The following COL6A3 variants were observed in gnomAD, a reference collection of about 807,000 sequenced individuals.
The protein encoded by COL6A3 is collagen alpha-3(VI) chain.
COL6A3 carries 137 observed loss-of-function variants against 274.1 expected under a neutral mutation model. The observed-to-expected ratio is 0.50, with a 90% confidence interval of 0.44 to 0.58. COL6A3 has a LOEUF of 0.58. COL6A3 is among the 20% of genes least tolerant of loss of function. The probability of loss-of-function intolerance (pLI) is 0.00; values close to 1 mark genes in which losing one functional copy is unlikely to be tolerated. For synonymous variants in COL6A3, 1,650 were observed against 1,650.6 expected, an observed-to-expected ratio of 1.00 and a Z score of 0.01; for missense variants, 3,950 against 4,124.9, an observed-to-expected ratio of 0.96 and a Z score of 1.16.
In COL6A3 at chr2:237,388,087, A is replaced by G. The variant is rs776357610; in HGVS notation, c.807T>C (p.Leu269=). 11 of 1,614,106 alleles carry G rather than the reference A, an allele frequency of 6.8e-6. No individual in the cohort carries two copies. The East Asian group carries it at 1.3e-4, about 20-fold the overall frequency. ...GCTGAGTTCCAATTGGGAGTTTCTC[A>G]AGGAGATTTACAAGGAAGTCGAGAA... ...AVILDFLVNL[L]EKLPIGTQQI... is the part of the protein sequence containing the mutation. The change falls in exon 4 of 44, where the codon CTT becomes CTC. Residue 269 remains leucine, a synonymous_variant. Coordinates refer to ENST00000295550, the MANE Select transcript of COL6A3 (RefSeq NM_004369.4).
intron 8 of COL6A3, among the ~76,000 whole-genome samples, chr2:237,373,485 G>A (rs3791001): frequency 0.072 from 10,956 of 152,098 alleles, 1,021 homozygotes; most frequent in African/African-American, 0.21. Context: ...TCTTCCCCAG[G>A]CACCAGCGAG....
intron 23 of COL6A3, chr2:237,356,931 C>A: frequency 3.8e-6 from 1 of 261,140 alleles, no homozygotes; most frequent in Non-Finnish European, 7.3e-6. Context: ...TCACTTACAG[C>A]ATCCCCCCAA....
chr2:237,326,244 A>AGAGTGTGTGT (rs1699933584), intron 42 of COL6A3: 1 of 150,952 alleles, frequency 6.6e-6, no homozygotes, highest in Admixed American at 6.5e-5. Context: ...ATCCTTTATG[A>AGAGTGTGTGT]GTGTGTGTGT....
In COL6A3 at chr2:237,344,206, G is replaced by A; in HGVS notation, c.7668+144C>T. 7.9e-7 allele frequency: 1 copy of A among 1,272,376 alleles called. No individual in the cohort carries two copies. The highest frequency in any genetic ancestry group is 1.1e-6 in the Non-Finnish European group (1 of 881,296). 78.8% of individuals were successfully genotyped at this position (1,272,376 alleles called of 1,614,324 possible). The stretch of plus-strand genomic sequence containing the variant: ...CGAGGTTGTCCTGGAGACCTCACAA[G>A]AGAAGTTCTCAGGCAGATGGCCTCA... On this transcript the variant is annotated intron_variant, in intron 36 of 43. Transcript: ENST00000295550. This position sits in a 1 kb window ranked among gnomAD's most constrained non-coding sequence, Gnocchi z 4.8.
In COL6A3 at chr2:237,361,675, A is replaced by G; in HGVS notation, c.6156+64T>C. ...ACTCTTCTGTTAGAGAAATTACCCC[A>G]CCAAAGTAATGTCGGGCTTCTGACA... On this transcript the variant is annotated intron_variant, in intron 15 of 43. Transcript: ENST00000295550. This position sits in a 1 kb window ranked among gnomAD's most constrained non-coding sequence, Gnocchi z 5.1. The G allele has an allele frequency of 7.2e-7, 1 of 1,392,774 alleles. No individual in the cohort carries two copies. The highest frequency in any genetic ancestry group is 1.0e-6 in the Non-Finnish European group (1 of 978,168). The allele number at this position is 1,392,774 out of a possible 1,614,324, so 86.3% of individuals were successfully genotyped here. A position where few individuals can be genotyped will look rare whatever the true frequency, so the allele number is the denominator to read the frequency against.
rs1234304730 is a variant in COL6A3 at position 237,377,103 on chromosome 2, G to C, written c.2739C>G (p.Ala913=). Residue 913 remains alanine, a synonymous_variant, in exon 7 of 44, where the codon GCC becomes GCG. Transcript: ENST00000295550. ...VKRMKIKTGK[A]LNLGYALDYA... ...AGTCCAGCGCGTAGCCCAGGTTGAGGGCTTTGCCCGTCTTGATCTTCATTC... is the reference window on the plus strand; with the variant it reads ...AGTCCAGCGCGTAGCCCAGGTTGAGCGCTTTGCCCGTCTTGATCTTCATTC... 6.2e-7 allele frequency: 1 copy of C among 1,614,072 alleles called. No individual in the cohort carries two copies. Among genetic ancestry groups the C allele is most frequent in the Non-Finnish European group, 8.5e-7 (1 of 1,180,042 alleles).
chr2:237,404,347 C>T (rs1459774740), intron 1 of COL6A3, among the ~76,000 whole-genome samples: 2 of 152,108 alleles, frequency 1.3e-5, no homozygotes, highest in African/African-American at 4.8e-5. Context: ...ACTCCTCACC[C>T]CCCAAAAGTT....
At position 237,378,738 on chromosome 2, in the gene COL6A3, TGA is replaced by T. The variant is rs778500472; in HGVS notation, c.2393_2394del (p.Leu798HisfsTer3). On this transcript the variant is annotated frameshift_variant, in exon 6 of 44. Transcript: ENST00000295550. LOFTEE classifies it high-confidence loss of function. ...GCTGGCAGGGAGCTGAAATCATCCATGAGATACACCAGGCTTGGGTTAAAAGC... is the reference window on the plus strand; with the variant it reads ...GCTGGCAGGGAGCTGAAATCATCCATGATACACCAGGCTTGGGTTAAAAGC... ...QIAFNPSLVYLMDDFSSLPAL... is the reference protein window; with the variant it reads ...QIAFNPSLVYXMDDFSSLPAL... 6.2e-7 allele frequency: 1 copy of T among 1,613,264 alleles called. No individual in the cohort carries two copies. The highest frequency in any genetic ancestry group is 2.2e-5 in the East Asian group (1 of 44,884).
chr2:237,360,221 G>A (rs1275480978), intron 16 of COL6A3, 62 bp from the exon 17 acceptor site: 25 of 1,509,160 alleles, frequency 1.7e-5, no homozygotes, highest in Non-Finnish European at 2.3e-5. Context: ...TCTCTGCCGG[G>A]CTTGCAGCAG....
At chr2:237,410,332 C>T (rs2078826310) in intron 1 of COL6A3, among the ~76,000 whole-genome samples, 1 of 134,866 alleles carries the variant, frequency 7.4e-6, no homozygotes, top group Non-Finnish European at 1.6e-5. Context: ...GAAACAGGGT[C>T]TGGTTCTGTC....
At chr2:237,373,984 C>T (rs1350677469) in intron 8 of COL6A3, among the ~76,000 whole-genome samples, 1 of 152,226 alleles carries the variant, frequency 6.6e-6, no homozygotes, top group African/African-American at 2.4e-5. Context: ...GAGTCTATGT[C>T]CCAGCTTGCA....
chr2:237,358,381 T>C, intron 21 of COL6A3, 140 bp downstream of exon 21: 1 of 757,898 alleles, frequency 1.3e-6, no homozygotes, highest in Non-Finnish European at 2.3e-6. Flanking sequence ...ACCCCCAAAC[T>C]GCAAGAAAAA....
In COL6A3 at chr2:237,413,473, G is replaced by A. The variant is rs1033887351; in HGVS notation, c.-31+480C>T. On this transcript the variant is annotated intron_variant, in intron 1 of 43. Transcript: ENST00000295550. This position sits in a 1 kb window ranked among gnomAD's most constrained non-coding sequence, Gnocchi z 4.0. ...CAGGACCTTCCCATGGGCGGCCCTG[G>A]GCAGAAAACCCATGCAGGTTGTTGC... 1.3e-5 allele frequency among the ~76,000 whole-genome samples: 2 copies of A among 152,152 alleles called. No individual in the cohort carries two copies. Among genetic ancestry groups the A allele is most frequent in the Non-Finnish European group, 1.5e-5 (1 of 68,032 alleles).
In COL6A3 at chr2:237,364,044, GTGA is replaced by G. The variant is rs2077494686; in HGVS notation, c.5917+303_5917+305del. On this transcript the variant is annotated intron_variant, in intron 13 of 43. Transcript: ENST00000295550. This position sits in a 1 kb window ranked among gnomAD's most constrained non-coding sequence, Gnocchi z 4.6. ...TATTAGTAACTAATTCCTAGTTTAT[GTGA>G]TGAAGTTAAATGAATCAATACGTCA... is the stretch of plus-strand genomic sequence containing the variant. Among the ~76,000 whole-genome samples the G allele has an allele frequency of 6.6e-6, 1 of 152,216 alleles. No homozygotes were observed.
At position 237,387,799 on chromosome 2, in the gene COL6A3, C is replaced by T. The variant is rs535498742; in HGVS notation, c.1095G>A (p.Gly365=). ...AGPSSDEIRY[G]VVALKQASVF... is the part of the protein sequence containing the mutation. Reference sequence around the variant, plus strand: ...CGCTAGCCTGCTTCAGTGCTACCACCCCGTAGCGAATCTCGTCACTAGAAG... The same window carrying T: ...CGCTAGCCTGCTTCAGTGCTACCACTCCGTAGCGAATCTCGTCACTAGAAG... Residue 365 remains glycine (G), a synonymous_variant, in exon 4 of 44, where the codon GGG becomes GGA. Coordinates refer to ENST00000295550, the MANE Select transcript of COL6A3 (RefSeq NM_004369.4). 1.9e-6 allele frequency: 3 copies of T among 1,614,012 alleles called. No individual in the cohort carries two copies. Among genetic ancestry groups the T allele is most frequent in the African/African-American group, 1.3e-5 (1 of 74,936 alleles).
chr2:237,396,873 A>G (rs1226875527), intron 1 of COL6A3, 26 bp from the exon 2 acceptor site: 1 of 1,535,312 alleles, frequency 6.5e-7, no homozygotes, highest in Non-Finnish European at 9.0e-7. Context: ...GGGCAAAGGG[A>G]ATGATCAGTT....
chr2:237,360,267 C>T (rs2077405400), intron 16 of COL6A3, 108 bp from the exon 17 acceptor site: 11 of 1,097,348 alleles, frequency 1.0e-5, no homozygotes, highest in Non-Finnish European at 5.5e-6. Context: ...CAGCAGAAAG[C>T]AGATTTCACC....
chr2:237,402,317 C>T (rs759945196), intron 1 of COL6A3, among the ~76,000 whole-genome samples: 29 of 152,048 alleles, frequency 1.9e-4, no homozygotes, highest in Non-Finnish European at 2.2e-4. Flanking sequence ...GCACAAGGTG[C>T]GTATAGTTAA....
At chr2:237,351,820 AGAG>A (rs1270666148) in intron 26 of COL6A3, among the ~76,000 whole-genome samples, 3 of 152,370 alleles carry the variant, frequency 2.0e-5, no homozygotes, top group East Asian at 3.8e-4. Context: ...CTTTCAAGCT[AGAG>A]AAGGACTTTC....
Sources: gnomAD v4.1 joint callset for allele counts (sites outside exome capture counted in the v4.1 genomes callset) on GRCh38, gnomAD v4.1.1 for gene constraint, Gnocchi (gnomAD v3.1) non-coding constraint, MANE v1.5 for transcripts, NCBI Gene and HGNC (gene_info 2026-07-23, HGNC 2026-07-21) for gene names.